NRXN2: variants seen among roughly 807,000 people sequenced by gnomAD.
NRXN2 encodes the protein neurexin-2-beta.
A neutral mutation model predicts 128.8 loss-of-function variants in NRXN2; 29 were observed. That is an observed-to-expected ratio of 0.23 (90% CI 0.17 to 0.31). The LOEUF (loss-of-function observed/expected upper bound fraction) is 0.31. Among genes scored for constraint, NRXN2 ranks in the 10% least tolerant of loss-of-function variants. The pLI is 1.00. For missense variants in NRXN2, 1,881 were observed against 2,452.6 expected, an observed-to-expected ratio of 0.77 and a Z score of 4.92; for synonymous variants, 1,098 against 1,075.2, an observed-to-expected ratio of 1.02 and a Z score of -0.41.
intron 2 of NRXN2, among the ~76,000 whole-genome samples, chr11:64,705,692 C>G (rs2056172496): frequency 6.6e-6 from 1 of 151,990 alleles, no homozygotes; most frequent in South Asian, 2.1e-4. Flanking sequence ...TCCCAATCAC[C>G]TGGAATGTCA....
rs2042517386 is a variant in NRXN2 at position 64,622,561 on chromosome 11, A to G, written c.4173+192T>C. ...CCCCCACATCACAAGATCCCTGGTC[A>G]TTAGGGTGAAGGCCACTTCCTGAAA... On this transcript the variant is annotated intron_variant, in intron 21 of 22. Transcript: ENST00000265459. This position sits in a 1 kb window ranked among gnomAD's most constrained non-coding sequence, Gnocchi z 4.3. Among the ~76,000 whole-genome samples the G allele has an allele frequency of 6.6e-6, 1 of 152,234 alleles. No homozygotes were observed. The highest frequency in any genetic ancestry group is 2.4e-5 in the African/African-American group (1 of 41,472).
intron 22 of NRXN2, among the ~76,000 whole-genome samples, chr11:64,613,042 G>A (rs1427249777): frequency 6.6e-6 from 1 of 152,238 alleles, no homozygotes; most frequent in African/African-American, 2.4e-5. Context: ...TGTGTATGGT[G>A]CCCTGAAGGA....
chr11:64,711,975 CCT>C (rs1195319039), intron 2 of NRXN2, among the ~76,000 whole-genome samples: 1 of 152,232 alleles, frequency 6.6e-6, no homozygotes, highest in African/African-American at 2.4e-5. Context: ...CACTCAGCGT[CCT>C]CACGCCTAGG....
At chr11:64,705,986 A>G (rs1388317639) in intron 2 of NRXN2, among the ~76,000 whole-genome samples, 5 of 136,778 alleles carry the variant, frequency 3.7e-5, no homozygotes, top group African/African-American at 1.4e-4. Context: ...TGTGTGACCT[A>G]TCTCCCAATT....
chr11:64,706,436 C>G (rs1019833499), intron 2 of NRXN2, among the ~76,000 whole-genome samples: 3 of 148,430 alleles, frequency 2.0e-5, no homozygotes, highest in African/African-American at 7.5e-5. Flanking sequence ...GGTTTTTTGT[C>G]CTTGCGATAG....
chr11:64,694,890 C>G (rs1206359139), intron 3 of NRXN2, among the ~76,000 whole-genome samples: 1 of 152,154 alleles, frequency 6.6e-6, no homozygotes, highest in Non-Finnish European at 1.5e-5. Context: ...GTGAACCCAC[C>G]CTCTGTCTCC....
chr11:64,667,318 C>T lies in NRXN2; in HGVS notation c.1730G>A (p.Arg577Gln), dbSNP rs765506853. ...ATCATTGACCTTGCGGCTGGATGCC[C>T]GCAGCTTGATGCCCCCAGATCCCAT... is the stretch of plus-strand genomic sequence containing the variant. ...LDMGSGGIKL[R>Q]ASSRKVNDGE... The change falls in exon 9 of 23, where the codon CGG becomes CAG. Residue 577 changes from arginine to glutamine, a missense_variant. Coordinates refer to ENST00000265459, the MANE Select transcript of NRXN2 (RefSeq NM_015080.4). This position sits in a 1 kb window ranked among gnomAD's most constrained non-coding sequence, Gnocchi z 5.6. The T allele has an allele frequency of 2.0e-5, 32 of 1,614,108 alleles. No homozygotes were observed. The highest frequency in any genetic ancestry group is 3.3e-5 in the South Asian group (3 of 91,082).
intron 17 of NRXN2, among the ~76,000 whole-genome samples, chr11:64,641,246 G>A (rs951301207): frequency 6.6e-6 from 1 of 152,056 alleles, no homozygotes; most frequent in Non-Finnish European, 1.5e-5. Context: ...AGATGGGACA[G>A]GATGGGATGG....
At chr11:64,720,876 G>A (rs538272625) in intron 1 of NRXN2, among the ~76,000 whole-genome samples, 13 of 152,268 alleles carry the variant, frequency 8.5e-5, no homozygotes, top group African/African-American at 3.1e-4. Flanking sequence ...AGGACTGAAG[G>A]TGTATGAGGA....
chr11:64,650,738 G>T, intron 14 of NRXN2, 100 bp from the exon 15 acceptor site: 1 of 1,167,876 alleles, frequency 8.6e-7, no homozygotes, highest in East Asian at 2.4e-5. Flanking sequence ...TAGGTGCCAT[G>T]GGAAGAGGGA....
At chr11:64,619,267 C>G (rs2041972575) in intron 22 of NRXN2, among the ~76,000 whole-genome samples, 1 of 142,508 alleles carries the variant, frequency 7.0e-6, no homozygotes, top group Admixed American at 6.9e-5. Context: ...TCCACTCCCA[C>G]AGACTCATCT....
At chr11:64,716,492 AG>A (rs956582396) in intron 1 of NRXN2, among the ~76,000 whole-genome samples, 3 of 152,092 alleles carry the variant, frequency 2.0e-5, no homozygotes, top group Non-Finnish European at 4.4e-5. Flanking sequence ...GTGGAGGGGC[AG>A]GGGGGCGAAG....
intron 22 of NRXN2, among the ~76,000 whole-genome samples, chr11:64,613,008 C>G (rs943339401): frequency 3.9e-5 from 6 of 152,242 alleles, no homozygotes; most frequent in Non-Finnish European, 8.8e-5. Context: ...CTCACCTGTG[C>G]GAGCAGAGAG....
rs1226311238 is a variant in NRXN2 at position 64,706,326 on chromosome 11, C to A, written c.730+6644G>T. 2.0e-5 allele frequency among the ~76,000 whole-genome samples: 3 copies of A among 146,938 alleles called. No homozygotes were observed. In the Admixed American group the frequency reaches 2.1e-4, roughly 10 times the overall value. ...TCCTAATGCTATCCCTCCCCACTCC[C>A]CCCACCCCACAACAGGCCCCGGTGT... On this transcript the variant is annotated intron_variant, in intron 2 of 22. Coordinates refer to ENST00000265459, the MANE Select transcript of NRXN2 (RefSeq NM_015080.4).
At chr11:64,711,389 C>T (rs925844595) in intron 2 of NRXN2, among the ~76,000 whole-genome samples, 2 of 152,180 alleles carry the variant, frequency 1.3e-5, no homozygotes, top group East Asian at 3.8e-4. Context: ...CGGGGAGAGA[C>T]GCGCATGCGC....
Position 64,660,777 on chromosome 11 carries a change from A to G in NRXN2, c.2161T>C (p.Phe721Leu), listed in dbSNP as rs1361066450. The G allele has an allele frequency of 1.2e-6, 2 of 1,613,276 alleles. No individual in the cohort carries two copies. Among genetic ancestry groups the G allele is most frequent in the Non-Finnish European group, 1.7e-6 (2 of 1,180,010 alleles). The part of the protein sequence containing the change: ...RFICDCIGTG[F>L]LGRVCEREAT... The stretch of plus-strand genomic sequence containing the variant: ...CCTCTCTCACAGACCCGCCCAAGAA[A>G]GCCGGTCCCGATGCAGTCACAGATG... Residue 721 changes from phenylalanine to leucine, a missense_variant, in exon 10 of 23, where the codon TTT (phenylalanine) becomes CTT (leucine). Physicochemically the swap from Phe to Leu is conservative, Grantham distance 22. Coordinates refer to ENST00000265459, the MANE Select transcript of NRXN2 (RefSeq NM_015080.4). This position sits in a 1 kb window ranked among gnomAD's most constrained non-coding sequence, Gnocchi z 5.2.
At chr11:64,665,910 T>C (rs2049785951) in intron 9 of NRXN2, among the ~76,000 whole-genome samples, 1 of 152,102 alleles carries the variant, frequency 6.6e-6, no homozygotes, top group African/African-American at 2.4e-5. Context: ...TGCAAAAGAC[T>C]GAAATGAAGG....
chr11:64,655,048 C>T lies in NRXN2; in HGVS notation c.2390-1326G>A, dbSNP rs375521767. Among the ~76,000 whole-genome samples the T allele has an allele frequency of 6.6e-5, 10 of 152,300 alleles. No individual in the cohort carries two copies. In the South Asian group the frequency reaches 1.9e-3, roughly 28 times the overall value. The stretch of plus-strand genomic sequence containing the variant: ...CAGGCCCAATACCCTGGCCTCCTGT[C>T]GCTCCACCCCAAATAGGCTCTGCCT... On this transcript the variant is annotated intron_variant, in intron 11 of 22. Coordinates refer to ENST00000265459, the MANE Select transcript of NRXN2 (RefSeq NM_015080.4).
intron 1 of NRXN2, among the ~76,000 whole-genome samples, chr11:64,718,155 A>C (rs1374711224): frequency 6.6e-6 from 1 of 152,138 alleles, no homozygotes; most frequent in African/African-American, 2.4e-5. Context: ...TGGGCCCTCC[A>C]ACCTGACCAA....
Sources: allele counts gnomAD v4.1 joint callset (sites outside exome capture counted in the v4.1 genomes callset), GRCh38; gene constraint gnomAD v4.1.1; non-coding constraint Gnocchi (gnomAD v3.1); transcripts MANE v1.5; gene names NCBI Gene and HGNC (gene_info 2026-07-23, HGNC 2026-07-21).